The following TLR1 variants were observed in gnomAD, a reference collection of about 807,000 sequenced individuals.
The protein encoded by TLR1 is toll-like receptor 1.
Under a neutral mutation model 20.2 loss-of-function variants are expected in TLR1, and 19 were observed. That is an observed-to-expected ratio of 0.94 (90% CI 0.66 to 1.38). The LOEUF (loss-of-function observed/expected upper bound fraction) is 1.38, where lower values mean the gene tolerates loss of function less well. Ranked by LOEUF, TLR1 falls within the 40% of genes most tolerant of loss-of-function variation. TLR1 has a pLI of 0.00. For synonymous variants in TLR1, 320 were observed against 334.5 expected (o/e 0.96, Z 0.47); for missense variants, 921 against 910.0 (o/e 1.01, Z -0.16).
intron 3 of TLR1, 50 bp from the exon 4 acceptor site, chr4:38,798,948 A>G (rs1223924084): frequency 1.1e-6 from 1 of 897,760 alleles, no homozygotes. Flanking sequence ...CATTTTTAAA[A>G]TACACGAAAT....
Position 38,796,940 on chromosome 4 carries a change from A to C in TLR1, c.1892T>G (p.Leu631Arg), listed in dbSNP as rs5743619. The C allele has an allele frequency of 4.5e-4, 721 of 1,614,142 alleles. 4 individuals are homozygous for C. In the African/African-American group the frequency reaches 8.6e-3, roughly 19 times the overall value. ...TGCATGAAACTGGAGATTTCTTTGG[A>C]GTTCTTCTAAGGGTATGTTCCTGGC... Reference protein sequence around the residue: ...RRARNIPLEELQRNLQFHAFI... With the variant: ...RRARNIPLEERQRNLQFHAFI... Residue 631 changes from leucine (L) to arginine (R), a missense_variant, in exon 4 of 4, where the codon CTC becomes CGC. By Grantham distance (102) the Leu-to-Arg change is moderately radical. Transcript: ENST00000308979.
chr4:38,799,537 C>A (rs997739815), intron 3 of TLR1, among the ~76,000 whole-genome samples: 1 of 152,200 alleles, frequency 6.6e-6, no homozygotes, highest in Non-Finnish European at 1.5e-5. Context: ...CGTTTATGAT[C>A]ATCTGTTACA....
At position 38,798,517 on chromosome 4, in the gene TLR1, C is replaced by T; in HGVS notation, c.315G>A (p.Leu105=). Residue 105 remains leucine (L), a synonymous_variant, in exon 4 of 4, where the codon TTG becomes TTA. Coordinates refer to ENST00000308979, the MANE Select transcript of TLR1 (RefSeq NM_003263.4). ...CAGTAGGGTGGCAAGAAATCTTCAC[C>T]AACTTGTTGTGGGACAAATCCAAGT... ...LEYLDLSHNK[L]VKISCHPTVN... The T allele has an allele frequency of 6.2e-7, 1 of 1,614,108 alleles. No individual in the cohort carries two copies. The highest frequency in any genetic ancestry group is 1.7e-5 in the Admixed American group (1 of 60,000).
At position 38,796,560 on chromosome 4, in the gene TLR1, A is replaced by G. The variant is rs1424693472; in HGVS notation, c.2272T>C (p.Trp758Arg). 6.2e-7 allele frequency: 1 copy of G among 1,614,098 alleles called. No homozygotes were observed. The highest frequency in any genetic ancestry group is 1.3e-5 in the African/African-American group (1 of 74,932). ...SLMARRTYLEWPKEKSKRGLF... is the reference protein window; with the variant it reads ...SLMARRTYLERPKEKSKRGLF... ...CCACGTTTGCTCTTTTCCTTGGGCC[A>G]TTCCAAATAAGTCCTCCTGGCCATG... is the stretch of plus-strand genomic sequence containing the variant. Residue 758 changes from tryptophan to arginine, a missense_variant, in exon 4 of 4, where the codon TGG (tryptophan) becomes CGG (arginine). Trp to Arg is a moderately radical substitution (Grantham distance 101, BLOSUM62 -3). Coordinates refer to ENST00000308979, the MANE Select transcript of TLR1 (RefSeq NM_003263.4).
chr4:38,799,049 G>GTA (rs1484251065), intron 3 of TLR1, among the ~76,000 whole-genome samples, 151 bp from the exon 4 acceptor site: 1 of 152,206 alleles, frequency 6.6e-6, no homozygotes, highest in Non-Finnish European at 1.5e-5. Context: ...AACTAGAGAA[G>GTA]TATATATATT....
At chr4:38,804,587 A>C (rs1315300419) in intron 1 of TLR1, among the ~76,000 whole-genome samples, 167 bp downstream of exon 1, 1 of 152,170 alleles carries the variant, frequency 6.6e-6, no homozygotes, top group African/African-American at 2.4e-5. Flanking sequence ...AGGACTCAGA[A>C]CTGATACACA....
chr4:38,788,771 C>T (rs777770515), downstream of TLR1, among the ~76,000 whole-genome samples: 8 of 152,098 alleles, frequency 5.3e-5, no homozygotes, highest in Non-Finnish European at 1.0e-4. Flanking sequence ...CTTTGGGAGG[C>T]CAAGGCAGGA....
At chr4:38,793,308 C>T (rs1725837038), downstream of TLR1, among the ~76,000 whole-genome samples, 1 of 152,138 alleles carries the variant, frequency 6.6e-6, no homozygotes, top group Non-Finnish European at 1.5e-5. Flanking sequence ...TCTTGGCTAG[C>T]TACTCTAAGA....
At chr4:38,794,962 A>G (rs77021757), downstream of TLR1, among the ~76,000 whole-genome samples, 1,036 of 152,150 alleles carry the variant, frequency 6.8e-3, 14 homozygotes, top group African/African-American at 0.024. Flanking sequence ...GCTTGTTTGG[A>G]GCAGCGATCT....
rs201148050 is a variant in TLR1, at chr4:38,796,682, T to C, written c.2150A>G (p.Asn717Ser). 88 of 1,614,026 alleles carry C rather than the reference T, an allele frequency of 5.5e-5. No individual in the cohort carries two copies. The highest frequency in any genetic ancestry group is 1.8e-4 in the South Asian group (16 of 91,086). The part of the protein sequence containing the change: ...CHYELYFAHH[N>S]LFHEGSNSLI... ...GCTATTAGATCCTTCATGAAAGAGA[T>C]TGTGATGGGCAAAGTAGAGTTCATA... Residue 717 changes from asparagine to serine, a missense_variant, in exon 4 of 4, where the codon AAT becomes AGT. Transcript: ENST00000308979.
intron 2 of TLR1, among the ~76,000 whole-genome samples, chr4:38,802,424 T>A (rs778278049): frequency 2.0e-5 from 3 of 152,134 alleles, no homozygotes; most frequent in Non-Finnish European, 2.9e-5. Flanking sequence ...GGAAGACTTG[T>A]CTGGCAAGGG....
At chr4:38,793,118 G>A (rs1275003693), downstream of TLR1, among the ~76,000 whole-genome samples, 1 of 151,974 alleles carries the variant, frequency 6.6e-6, no homozygotes, top group African/African-American at 2.4e-5. Context: ...TTTGGAGAGA[G>A]GTTTTGGTAT....
chr4:38,798,225 G>T lies in TLR1; in HGVS notation c.607C>A (p.His203Asn). Residue 203 changes from histidine to asparagine, a missense_variant, in exon 4 of 4, where the codon CAT (histidine) becomes AAT (asparagine). By Grantham distance (68) the His-to-Asn change is moderately conservative. Coordinates refer to ENST00000308979, the MANE Select transcript of TLR1 (RefSeq NM_003263.4). ...HIVFPTNKEF[H>N]FILDVSVKTV... ...TTGACTGACACATCCAAAATAAAAT[G>T]GAATTCTTTGTTTGTGGGGAACACA... 1 of 1,613,722 alleles carries T rather than the reference G, an allele frequency of 6.2e-7. No individual in the cohort carries two copies. The highest frequency in any genetic ancestry group is 2.2e-5 in the East Asian group (1 of 44,870).
rs1296168157 is a variant in TLR1, at chr4:38,798,070, A to G, written c.762T>C (p.Ile254=). The G allele has an allele frequency of 1.9e-6, 3 of 1,613,838 alleles. No individual in the cohort carries two copies. The highest frequency in any genetic ancestry group is 2.5e-6 in the Non-Finnish European group (3 of 1,179,796). ...PKLSNLTLNN[I]ETTWNSFIRI... is the part of the protein sequence containing the mutation. ...TAATGAAAGAATTCCAAGTTGTTTC[A>G]ATGTTGTTTAAGGTAAGATTTGATA... is the stretch of plus-strand genomic sequence containing the variant. Residue 254 remains isoleucine (I), a synonymous_variant, in exon 4 of 4, where the codon ATT becomes ATC. Coordinates refer to ENST00000308979, the MANE Select transcript of TLR1 (RefSeq NM_003263.4).
chr4:38,804,923 A>T (rs1394509908), upstream of TLR1: 1 of 152,244 alleles, frequency 6.6e-6, no homozygotes, highest in Admixed American at 6.5e-5. Flanking sequence ...AGTTAAGAAT[A>T]AACTTATTTT....
At chr4:38,801,133 C>G (rs1726612297) in intron 2 of TLR1, among the ~76,000 whole-genome samples, 185 bp from the exon 3 acceptor site, 2 of 152,162 alleles carry the variant, frequency 1.3e-5, no homozygotes, top group African/African-American at 2.4e-5. Context: ...AATGTTTGTG[C>G]CCTGTGAAAT....
chr4:38,800,592 C>T (rs1047619284), intron 3 of TLR1: 1 of 151,814 alleles, frequency 6.6e-6, no homozygotes, highest in Non-Finnish European at 1.5e-5. Flanking sequence ...AGTGTGCAGT[C>T]CTCACCTCCA....
At chr4:38,803,663 A>G (rs1021518008) in intron 2 of TLR1, among the ~76,000 whole-genome samples, 11 of 152,364 alleles carry the variant, frequency 7.2e-5, no homozygotes, top group Admixed American at 2.0e-4. Context: ...TGCTAAATCC[A>G]TGAAAATCAA....
At position 38,798,652 on chromosome 4, in the gene TLR1, A is replaced by T; in HGVS notation, c.180T>A (p.Leu60=). 6.2e-7 allele frequency: 1 copy of T among 1,613,866 alleles called. No individual in the cohort carries two copies. The highest frequency in any genetic ancestry group is 8.5e-7 in the Non-Finnish European group (1 of 1,179,864). ...ACAGTGATAAGATGTCAGAAGTCCA[A>T]AGCTCAGATATATAATTTTGCGATA... ...LNISQNYISE[L]WTSDILSLSK... Residue 60 remains leucine (L), a synonymous_variant, in exon 4 of 4, where the codon CTT becomes CTA. Coordinates refer to ENST00000308979, the MANE Select transcript of TLR1 (RefSeq NM_003263.4).
Sources: gnomAD v4.1 joint callset for allele counts (sites outside exome capture counted in the v4.1 genomes callset) on GRCh38, gnomAD v4.1.1 for gene constraint, MANE v1.5 for transcripts, NCBI Gene and HGNC (gene_info 2026-07-23, HGNC 2026-07-21) for gene names.